Variants in NOL4 observed in about 807,000 individuals in gnomAD.
NOL4 encodes nucleolar protein 4.
Under a neutral mutation model 75.9 loss-of-function variants are expected in NOL4, and 17 were observed. The observed-to-expected ratio is 0.22, with a 90% CI of 0.15 to 0.34. The LOEUF (loss-of-function observed/expected upper bound fraction) is 0.34, where lower values mean the gene tolerates loss of function less well. NOL4 is among the 10% of genes least tolerant of loss of function. The probability of loss-of-function intolerance (pLI) is 1.00; values close to 1 mark genes in which losing one functional copy is unlikely to be tolerated. For missense variants in NOL4, 614 were observed against 793.5 expected, an observed-to-expected ratio of 0.77 and a Z score of 2.72; for synonymous variants, 292 against 289.9, an observed-to-expected ratio of 1.01 and a Z score of -0.07.
In NOL4 at chr18:33,918,887, C is replaced by T. The variant is rs934907044; in HGVS notation, c.1542+24178G>A. Among the ~76,000 whole-genome samples the T allele has an allele frequency of 4.6e-5, 7 of 151,980 alleles. No homozygotes were observed. In the South Asian group the frequency reaches 1.2e-3, roughly 27 times the overall value. ...ATTCAAATGTAACATTTTGCAACAA[C>T]GTTCAGGCCAAATAAAACACTTTTG... is the stretch of plus-strand genomic sequence containing the variant. On this transcript the variant is annotated intron_variant, in intron 9 of 10. Coordinates refer to ENST00000261592, the MANE Select transcript of NOL4 (RefSeq NM_003787.5).
chr18:33,954,537 C>CTTT (rs35246907), intron 8 of NOL4, among the ~76,000 whole-genome samples: 245 of 149,440 alleles, frequency 1.6e-3, no homozygotes, highest in African/African-American at 5.7e-3. Context: ...TATCTGAGAA[C>CTTT]TTTTTTTTTT....
chr18:34,061,858 T>A (rs886382225), intron 5 of NOL4, among the ~76,000 whole-genome samples: 5 of 152,282 alleles, frequency 3.3e-5, no homozygotes, highest in African/African-American at 9.6e-5. Context: ...ATATCCAGAA[T>A]GATTGAACAG....
intron 8 of NOL4, among the ~76,000 whole-genome samples, chr18:33,950,423 C>T (rs1038222051): frequency 6.6e-6 from 1 of 152,110 alleles, no homozygotes; most frequent in Admixed American, 6.6e-5. Context: ...TATCTCTCAA[C>T]TAATTTCTAC....
chr18:33,917,524 G>T (rs923760575), intron 9 of NOL4, among the ~76,000 whole-genome samples: 1 of 151,966 alleles, frequency 6.6e-6, no homozygotes, highest in Non-Finnish European at 1.5e-5. Context: ...TTACAACAGG[G>T]TCTCACTGTT....
At chr18:33,881,000 T>C (rs1046242555) in intron 10 of NOL4, among the ~76,000 whole-genome samples, 1 of 151,960 alleles carries the variant, frequency 6.6e-6, no homozygotes, top group African/African-American at 2.4e-5. Flanking sequence ...CATTTTCTTC[T>C]CTCAAGTTTA....
At chr18:34,061,658 G>A (rs1385390198) in intron 5 of NOL4, among the ~76,000 whole-genome samples, 23 of 151,976 alleles carry the variant, frequency 1.5e-4, no homozygotes, top group Admixed American at 1.5e-3. Flanking sequence ...CCACACTGGT[G>A]GAGTAATAAC....
intron 10 of NOL4, among the ~76,000 whole-genome samples, chr18:33,863,564 T>TCC (rs2063283250): frequency 6.6e-6 from 1 of 152,098 alleles, no homozygotes; most frequent in Non-Finnish European, 1.5e-5. Context: ...AGTCATGAAA[T>TCC]CTTAAAGCTC....
intron 9 of NOL4, among the ~76,000 whole-genome samples, chr18:33,941,137 A>G: frequency 6.6e-6 from 1 of 152,026 alleles, no homozygotes; most frequent in East Asian, 1.9e-4. Flanking sequence ...ATGCTTTTAT[A>G]TGAATTGACT....
chr18:34,188,474 T>C (rs537022472), intron 1 of NOL4, among the ~76,000 whole-genome samples: 2 of 152,348 alleles, frequency 1.3e-5, no homozygotes, highest in South Asian at 2.1e-4. Context: ...CAGTATTTAA[T>C]ACAGTACACC....
intron 9 of NOL4, among the ~76,000 whole-genome samples, chr18:33,907,131 G>A (rs2066099412): frequency 6.6e-6 from 1 of 151,862 alleles, no homozygotes; most frequent in African/African-American, 2.4e-5. Flanking sequence ...AGACCATCCT[G>A]GCTAACACGG....
chr18:33,934,269 A>G (rs1332815482), intron 9 of NOL4, among the ~76,000 whole-genome samples: 2 of 152,140 alleles, frequency 1.3e-5, no homozygotes, highest in East Asian at 1.9e-4. Flanking sequence ...GAACACAGGC[A>G]GAGTAGATTT....
chr18:34,010,752 C>T (rs917856726), intron 6 of NOL4, among the ~76,000 whole-genome samples: 7 of 151,618 alleles, frequency 4.6e-5, no homozygotes, highest in South Asian at 2.1e-4. Flanking sequence ...CCATTTTAAC[C>T]GGGTGAGATC....
chr18:34,179,519 A>T (rs1248425426), intron 1 of NOL4, among the ~76,000 whole-genome samples: 1 of 151,578 alleles, frequency 6.6e-6, no homozygotes, highest in African/African-American at 2.4e-5. Flanking sequence ...AAGAATGAAA[A>T]AAAAGTATAT....
chr18:34,206,798 T>A (rs1317873523), intron 1 of NOL4, among the ~76,000 whole-genome samples: 1 of 152,138 alleles, frequency 6.6e-6, no homozygotes, highest in Non-Finnish European at 1.5e-5. Context: ...TTTTCTATTT[T>A]TTTTATCTAC....
intron 8 of NOL4, among the ~76,000 whole-genome samples, chr18:33,949,584 C>A (rs937288909): frequency 6.6e-6 from 1 of 152,054 alleles, no homozygotes; most frequent in Non-Finnish European, 1.5e-5. Flanking sequence ...AGGAGAGCAG[C>A]AAACCCCTGA....
In NOL4 at chr18:34,121,699, CA is replaced by C. The variant is rs2080149848; in HGVS notation, c.414+8171del. ...AATTATTGAATTGCTAAACAACTGG[CA>C]AATAAGAAACACATTTTTCAAAGGT... On this transcript the variant is annotated intron_variant, in intron 2 of 10. Transcript: ENST00000261592. Among the ~76,000 whole-genome samples, 3 of 152,102 alleles carry C rather than the reference CA, an allele frequency of 2.0e-5. No homozygotes were observed. In the South Asian group the frequency reaches 6.2e-4, roughly 32 times the overall value.
At chr18:33,955,523 C>G (rs1446546442) in intron 8 of NOL4, among the ~76,000 whole-genome samples, 1 of 151,480 alleles carries the variant, frequency 6.6e-6, no homozygotes, top group East Asian at 1.9e-4. Flanking sequence ...TCAAATCCAC[C>G]AAGGAAAGTT....
intron 1 of NOL4, among the ~76,000 whole-genome samples, chr18:34,158,977 C>T (rs2030951443): frequency 6.6e-6 from 1 of 152,170 alleles, no homozygotes; most frequent in African/African-American, 2.4e-5. Flanking sequence ...GGACGTCTGC[C>T]CTCTCACTTC....
chr18:34,101,375 A>G (rs2079036162), intron 4 of NOL4, among the ~76,000 whole-genome samples: 1 of 152,164 alleles, frequency 6.6e-6, no homozygotes, highest in Non-Finnish European at 1.5e-5. Flanking sequence ...AGGTACAAGA[A>G]AGCAGTAATC....
Sources: allele counts gnomAD v4.1 joint callset (sites outside exome capture counted in the v4.1 genomes callset), GRCh38; gene constraint gnomAD v4.1.1; transcripts MANE v1.5; gene names NCBI Gene and HGNC (gene_info 2026-07-23, HGNC 2026-07-21).